Variants in SORCS2 observed in about 807,000 individuals in gnomAD.
SORCS2 encodes VPS10 domain-containing receptor SorCS2.
A neutral mutation model predicts 141.6 loss-of-function variants in SORCS2; 100 were observed. The ratio of observed to expected loss-of-function variants is 0.71; its 90% CI spans 0.60 to 0.83. The LOEUF (loss-of-function observed/expected upper bound fraction) is 0.83, where lower values mean the gene tolerates loss of function less well. Ranked by LOEUF, SORCS2 falls within the 40% of genes least tolerant of loss-of-function variation. The pLI, the probability that SORCS2 is intolerant of heterozygous loss-of-function variation, is 0.00. For synonymous variants in SORCS2, 789 were observed against 676.9 expected, an observed-to-expected ratio of 1.17 and a Z score of -2.57; for missense variants, 1,646 against 1,560.2, an observed-to-expected ratio of 1.05 and a Z score of -0.93.
chr4:7,561,336 C>G (rs12503877), intron 3 of SORCS2, among the ~76,000 whole-genome samples: 148,326 of 152,270 alleles, frequency 0.97, 72,370 homozygotes, highest in East Asian at 1. Flanking sequence ...TGGAGGGGAG[C>G]GGCTGGAAGT....
At chr4:7,305,133 G>A (rs1188915615) in intron 1 of SORCS2, among the ~76,000 whole-genome samples, 3 of 151,558 alleles carry the variant, frequency 2.0e-5, no homozygotes, top group African/African-American at 7.3e-5. Flanking sequence ...CCGGGTTCGT[G>A]CCATTCTCCT....
intron 1 of SORCS2, among the ~76,000 whole-genome samples, chr4:7,275,922 C>T (rs1260761665): frequency 1.3e-5 from 2 of 152,016 alleles, no homozygotes; most frequent in Admixed American, 6.6e-5. Context: ...TCCTAGTGTC[C>T]GAAAAAAGAA....
At chr4:7,687,682 T>A (rs1023722496) in intron 10 of SORCS2, among the ~76,000 whole-genome samples, 1 of 152,160 alleles carries the variant, frequency 6.6e-6, no homozygotes, top group African/African-American at 2.4e-5. Flanking sequence ...ACCTTTCAGC[T>A]GAATTTTCAA....
chr4:7,407,750 C>T (rs990113759), intron 2 of SORCS2, among the ~76,000 whole-genome samples: 4 of 151,886 alleles, frequency 2.6e-5, no homozygotes, highest in Non-Finnish European at 4.4e-5. Flanking sequence ...TTGTATATCC[C>T]CTCTTCCTTT....
At chr4:7,499,659 C>T (rs1304285125) in intron 2 of SORCS2, among the ~76,000 whole-genome samples, 2 of 151,002 alleles carry the variant, frequency 1.3e-5, no homozygotes, top group African/African-American at 5.0e-5. Flanking sequence ...ACTGGCCATC[C>T]CCCCTCATTT....
intron 23 of SORCS2, among the ~76,000 whole-genome samples, chr4:7,730,278 G>A (rs1371476083): frequency 6.6e-6 from 1 of 152,176 alleles, no homozygotes; most frequent in Admixed American, 6.5e-5. Context: ...AATTCCAAGT[G>A]TTGCCAAGGA....
intron 3 of SORCS2, among the ~76,000 whole-genome samples, chr4:7,547,796 C>A (rs1358043659): frequency 1.3e-5 from 2 of 152,224 alleles, no homozygotes; most frequent in Non-Finnish European, 2.9e-5. Context: ...ACAGATGCAC[C>A]CCAGGGCAGG....
intron 11 of SORCS2, among the ~76,000 whole-genome samples, 175 bp from the exon 12 acceptor site, chr4:7,697,023 C>G (rs1394469211): frequency 1.3e-5 from 2 of 152,224 alleles, no homozygotes; most frequent in Non-Finnish European, 2.9e-5. Context: ...GCTGATCCTT[C>G]ACTGCATAGA....
intron 2 of SORCS2, among the ~76,000 whole-genome samples, chr4:7,411,081 G>A (rs1324667799): frequency 6.9e-6 from 1 of 145,342 alleles, no homozygotes; most frequent in Non-Finnish European, 1.5e-5. Flanking sequence ...TCAGCCTCCC[G>A]AGTAGCTGGG....
At chr4:7,281,836 G>T (rs1715906137) in intron 1 of SORCS2, among the ~76,000 whole-genome samples, 2 of 152,174 alleles carry the variant, frequency 1.3e-5, no homozygotes, top group Admixed American at 1.3e-4. Flanking sequence ...TCTGTGGGTG[G>T]GGGCTGGGTT....
intron 1 of SORCS2, among the ~76,000 whole-genome samples, chr4:7,296,862 A>T (rs888911117): frequency 2.6e-5 from 4 of 151,914 alleles, no homozygotes; most frequent in African/African-American, 9.7e-5. Flanking sequence ...GCTCTCGGGG[A>T]CAGAAGAGGC....
intron 1 of SORCS2, among the ~76,000 whole-genome samples, chr4:7,221,388 C>T (rs1728697809): frequency 6.6e-6 from 1 of 152,182 alleles, no homozygotes; most frequent in African/African-American, 2.4e-5. Context: ...GCATATGTCC[C>T]CAGGTGAGCC....
intron 11 of SORCS2, among the ~76,000 whole-genome samples, chr4:7,692,590 G>A (rs972565240): frequency 6.6e-6 from 1 of 152,180 alleles, no homozygotes; most frequent in Non-Finnish European, 1.5e-5. Context: ...TACTGGAAAT[G>A]AAGGAGCTAA....
At chr4:7,560,126 C>T (rs1714429754) in intron 3 of SORCS2, among the ~76,000 whole-genome samples, 1 of 152,204 alleles carries the variant, frequency 6.6e-6, no homozygotes, top group Non-Finnish European at 1.5e-5. Context: ...AGGAAAAATG[C>T]CGGCTGCCAA....
rs544061363 is a variant in SORCS2 at position 7,473,654 on chromosome 4, CT to C, written c.549-57875del. Among the ~76,000 whole-genome samples, 116 of 152,240 alleles carry C rather than the reference CT, an allele frequency of 7.6e-4. 2 individuals carry two copies. The South Asian group carries it at 0.015, about 19-fold the overall frequency. ...GCCAAGCATAGGCGTGTCCGTCACC[CT>C]GGAGGCAGTGATGATGGCTGGGCGG... On this transcript the variant is annotated intron_variant, in intron 2 of 26. Coordinates refer to ENST00000507866, the MANE Select transcript of SORCS2 (RefSeq NM_020777.3).
intron 1 of SORCS2, among the ~76,000 whole-genome samples, chr4:7,282,340 C>T (rs138588580): frequency 1.1e-4 from 17 of 152,326 alleles, no homozygotes; most frequent in African/African-American, 4.1e-4. Context: ...TTTCCTCCAC[C>T]CCTTTAAAAA....
chr4:7,461,509 C>G (rs1729309630), intron 2 of SORCS2, among the ~76,000 whole-genome samples: 1 of 152,262 alleles, frequency 6.6e-6, no homozygotes, highest in Admixed American at 6.5e-5. Context: ...TGGACTCACG[C>G]CGCACTGTGC....
At chr4:7,266,224 C>T (rs985660864) in intron 1 of SORCS2, among the ~76,000 whole-genome samples, 7 of 152,274 alleles carry the variant, frequency 4.6e-5, no homozygotes, top group South Asian at 2.1e-4. Flanking sequence ...TGCAGGCCAG[C>T]GGGTGGCCTG....
rs191623204 is a variant in SORCS2 at position 7,741,759 on chromosome 4, G to A, written c.*1495G>A. On this transcript the variant is annotated 3_prime_UTR_variant, in exon 27 of 27. Transcript: ENST00000507866. ...TGACATGCTGGCTGGGGGTGAATCC[G>A]AATGACAGTGCAGACGTTCTCCCAT... 9.6e-4 allele frequency: 149 copies of A among 154,510 alleles called. No individual in the cohort carries two copies. The highest frequency in any genetic ancestry group is 1.6e-3 in the Non-Finnish European group (109 of 69,678). The allele number at this position is 154,510 out of a possible 1,614,324, so 9.6% of individuals were successfully genotyped here.
Sources: allele counts gnomAD v4.1 joint callset (sites outside exome capture counted in the v4.1 genomes callset), GRCh38; gene constraint gnomAD v4.1.1; transcripts MANE v1.5; gene names NCBI Gene and HGNC (gene_info 2026-07-23, HGNC 2026-07-21).